Variants in TSHR observed in about 807,000 individuals in gnomAD.
TSHR encodes the protein thyroid stimulating hormone receptor.
A neutral mutation model predicts 64.1 loss-of-function variants in TSHR; 51 were observed. The observed-to-expected ratio is 0.80, with a 90% confidence interval of 0.64 to 1.01. The LOEUF (loss-of-function observed/expected upper bound fraction) is 1.01, where lower values mean the gene tolerates loss of function less well. Among genes scored for constraint, TSHR ranks in the 50% least tolerant of loss-of-function variants. The pLI is 0.00. For missense variants in TSHR, 877 were observed against 942.8 expected, an observed-to-expected ratio of 0.93 and a Z score of 0.91; for synonymous variants, 361 against 361.9, an observed-to-expected ratio of 1.00 and a Z score of 0.03.
rs1226407667 is a variant in TSHR at position 81,028,680 on chromosome 14, C to A, written c.171-33468C>A. Among the ~76,000 whole-genome samples the A allele has an allele frequency of 2.6e-5, 4 of 152,180 alleles. No individual in the cohort carries two copies. In the South Asian group the frequency reaches 6.2e-4, roughly 24 times the overall value. On this transcript the variant is annotated intron_variant, in intron 1 of 9. Coordinates refer to ENST00000298171, the MANE Select transcript of TSHR (RefSeq NM_000369.5). The stretch of plus-strand genomic sequence containing the variant: ...TACCAGGAAATACAATTTTAGGCTT[C>A]AAATGATTTCAACACTTTTTGTATA...
At chr14:81,108,948 A>T (rs918260161) in intron 8 of TSHR, 2 of 1,352,812 alleles carry the variant, frequency 1.5e-6, no homozygotes, top group East Asian at 2.9e-5. Context: ...GCATGAAAAC[A>T]TACCTATTTG....
intron 1 of TSHR, among the ~76,000 whole-genome samples, chr14:80,965,369 C>T (rs1181758287): frequency 1.3e-5 from 2 of 152,188 alleles, no homozygotes; most frequent in African/African-American, 4.8e-5. Context: ...GCCTGCAACA[C>T]CTTTGAATGT....
intron 3 of TSHR, among the ~76,000 whole-genome samples, chr14:81,073,830 C>T: frequency 6.6e-6 from 1 of 152,094 alleles, no homozygotes; most frequent in Non-Finnish European, 1.5e-5. Flanking sequence ...CCCAGGAAGG[C>T]TGAGGATCCA....
chr14:81,097,263 GT>G (rs1394094619), intron 7 of TSHR, among the ~76,000 whole-genome samples: 1 of 151,024 alleles, frequency 6.6e-6, no homozygotes, highest in Admixed American at 6.6e-5. Context: ...TCTATTTGTT[GT>G]TTTTTTCAAA....
intron 1 of TSHR, among the ~76,000 whole-genome samples, chr14:81,005,729 G>T (rs1244443683): frequency 6.6e-6 from 1 of 152,148 alleles, no homozygotes; most frequent in Non-Finnish European, 1.5e-5. Flanking sequence ...TCTTGGAACC[G>T]CGGAGCTACT....
At chr14:81,009,552 C>T (rs1392113416) in intron 1 of TSHR, among the ~76,000 whole-genome samples, 3 of 152,056 alleles carry the variant, frequency 2.0e-5, no homozygotes, top group African/African-American at 4.8e-5. Flanking sequence ...TTTTACTCTT[C>T]GTTTTATCAT....
At chr14:80,999,482 T>C (rs892797200) in intron 1 of TSHR, among the ~76,000 whole-genome samples, 1 of 152,194 alleles carries the variant, frequency 6.6e-6, no homozygotes, top group Non-Finnish European at 1.5e-5. Flanking sequence ...ATCAAAATGT[T>C]AGTGTGTGTT....
At chr14:81,118,507 C>G (rs1890632842) in intron 8 of TSHR, among the ~76,000 whole-genome samples, 1 of 149,456 alleles carries the variant, frequency 6.7e-6, no homozygotes, top group Non-Finnish European at 1.5e-5. Flanking sequence ...CTACAATCCA[C>G]TGCTCAAGGA....
intron 1 of TSHR, among the ~76,000 whole-genome samples, chr14:81,016,301 T>A (rs1269908721): frequency 6.6e-6 from 1 of 152,202 alleles, no homozygotes; most frequent in Non-Finnish European, 1.5e-5. Context: ...GTCTTTGTGT[T>A]GATAACCATC....
intron 7 of TSHR, chr14:81,104,611 G>A (rs997622484): frequency 1.0e-6 from 1 of 985,292 alleles, no homozygotes; most frequent in Non-Finnish European, 1.2e-6. Context: ...GCCGCTATGT[G>A]CCACGAGTGA....
At chr14:81,122,399 TCAAA>T (rs1468673144) in intron 8 of TSHR, among the ~76,000 whole-genome samples, 1 of 151,180 alleles carries the variant, frequency 6.6e-6, no homozygotes, top group Non-Finnish European at 1.5e-5. Context: ...AGAGGTTTGT[TCAAA>T]CAAAGACACC....
At chr14:80,975,249 G>T (rs979935909) in intron 1 of TSHR, among the ~76,000 whole-genome samples, 3 of 152,106 alleles carry the variant, frequency 2.0e-5, no homozygotes, top group Non-Finnish European at 2.9e-5. Flanking sequence ...GAAAGAACTT[G>T]ACTATTAAAA....
chr14:81,053,300 A>G (rs764258264), intron 1 of TSHR: 2 of 152,230 alleles, frequency 1.3e-5, no homozygotes, highest in Non-Finnish European at 2.9e-5. Context: ...AAGCTGCTTT[A>G]TTGAGTTTAC....
chr14:80,976,693 C>T (rs1163729483), intron 1 of TSHR, among the ~76,000 whole-genome samples: 1 of 152,196 alleles, frequency 6.6e-6, no homozygotes, highest in Admixed American at 6.5e-5. Flanking sequence ...TTACTCCTAA[C>T]AAGATATTGA....
intron 1 of TSHR, among the ~76,000 whole-genome samples, chr14:80,973,337 C>T (rs940015993): frequency 7.3e-6 from 1 of 137,036 alleles, no homozygotes; most frequent in Admixed American, 8.6e-5. Context: ...CCCCGGGGGG[C>T]GGAGCCTGCA....
At chr14:81,137,314 A>G (rs1289553940) in intron 8 of TSHR, among the ~76,000 whole-genome samples, 1 of 152,192 alleles carries the variant, frequency 6.6e-6, no homozygotes, top group Non-Finnish European at 1.5e-5. Flanking sequence ...TGCTGTCTCC[A>G]TCACTTAGAA....
At chr14:81,097,149 G>C (rs1195299548) in intron 7 of TSHR, among the ~76,000 whole-genome samples, 1 of 152,030 alleles carries the variant, frequency 6.6e-6, no homozygotes, top group African/African-American at 2.4e-5. Context: ...AAATAGTGCT[G>C]GGAACAGCTG....
intron 7 of TSHR, chr14:81,102,674 T>G: frequency 8.4e-5 from 44 of 521,310 alleles, no homozygotes; most frequent in Middle Eastern, 1.0e-3. Context: ...TATAAACAAA[T>G]GAGCATGGTT....
Position 81,103,779 on chromosome 14 carries a change from C to T in TSHR, c.615-4596C>T, listed in dbSNP as rs1402445103. The T allele has an allele frequency of 1.0e-5, 10 of 985,328 alleles. No homozygotes were observed. The highest frequency in any genetic ancestry group is 5.2e-5 in the African/African-American group (3 of 57,244). 61.0% of individuals were successfully genotyped at this position (985,328 alleles called of 1,614,324 possible). Reference sequence around the variant, plus strand: ...TTCCATCCTCTTTCCACGCAATCTGCGTGGGGATATGTTGCTTCTCACAGA... The same window carrying T: ...TTCCATCCTCTTTCCACGCAATCTGTGTGGGGATATGTTGCTTCTCACAGA... On this transcript the variant is annotated intron_variant, in intron 7 of 9. Transcript: ENST00000298171. The surrounding 1 kb of genome is among the most constrained non-coding windows in gnomAD (Gnocchi z 4.1).
Sources: gnomAD v4.1 joint callset for allele counts (sites outside exome capture counted in the v4.1 genomes callset) on GRCh38, gnomAD v4.1.1 for gene constraint, Gnocchi (gnomAD v3.1) non-coding constraint, MANE v1.5 for transcripts, NCBI Gene and HGNC (gene_info 2026-07-23, HGNC 2026-07-21) for gene names.